Variants in WWOX observed in about 807,000 individuals in gnomAD.
WWOX encodes the protein WW domain-containing oxidoreductase.
In WWOX, 69 loss-of-function variants were observed where a neutral mutation model predicts 46.2. The ratio of observed to expected loss-of-function variants is 1.49; its 90% CI spans 1.23 to 1.82. WWOX has a LOEUF of 1.82. Among genes scored for constraint, WWOX ranks in the 40% most tolerant of loss-of-function variants. The pLI is 0.00. For missense variants in WWOX, 919 were observed against 542.6 expected (o/e 1.69, Z -6.89); for synonymous variants, 359 against 202.6 (o/e 1.77, Z -6.56).
intron 8 of WWOX, among the ~76,000 whole-genome samples, chr16:78,610,765 C>G (rs907082809): frequency 6.6e-6 from 1 of 152,062 alleles, no homozygotes; most frequent in African/African-American, 2.4e-5. Context: ...TGGCATGGCT[C>G]TGATATTATA....
chr16:78,128,468 T>C (rs1051129729), intron 4 of WWOX, among the ~76,000 whole-genome samples: 2 of 152,224 alleles, frequency 1.3e-5, no homozygotes, highest in Non-Finnish European at 2.9e-5. Flanking sequence ...GGTGGAAATG[T>C]TGCGAGTTCT....
At chr16:78,907,577 G>C (rs985404433) in intron 8 of WWOX, among the ~76,000 whole-genome samples, 3 of 152,168 alleles carry the variant, frequency 2.0e-5, no homozygotes, top group African/African-American at 7.2e-5. Context: ...GAATGACTAA[G>C]GGCGGTCTGA....
At chr16:79,099,828 C>T (rs1004162125) in intron 8 of WWOX, among the ~76,000 whole-genome samples, 2 of 152,212 alleles carry the variant, frequency 1.3e-5, no homozygotes, top group Admixed American at 6.5e-5. Flanking sequence ...AGGGTTAAAT[C>T]AGAGCAACAG....
In WWOX at chr16:78,817,171, T is replaced by TG. The variant is rs1567580563; in HGVS notation, c.1056+384419_1056+384420insG. 2.3e-3 allele frequency among the ~76,000 whole-genome samples: 307 copies of TG among 131,844 alleles called. 7 individuals are homozygous for TG. Among genetic ancestry groups the TG allele is most frequent in the African/African-American group, 8.0e-3 (282 of 35,248 alleles). 86.5% of individuals were successfully genotyped at this position (131,844 alleles called of 152,430 possible). A position where few individuals can be genotyped will look rare whatever the true frequency, so the allele number is the denominator to read the frequency against. ...AGTTTTTCTTAAACATTAGTGCTAT[T>TG]CTTTTTTTTTTTTTTTTTTTTTTTT... On this transcript the variant is annotated intron_variant, in intron 8 of 8. Transcript: ENST00000566780.
intron 4 of WWOX, among the ~76,000 whole-genome samples, chr16:78,160,991 A>G (rs1245500260): frequency 6.6e-6 from 1 of 152,128 alleles, no homozygotes; most frequent in Non-Finnish European, 1.5e-5. Flanking sequence ...ATTGTCATGT[A>G]TTCTTGGTGG....
At chr16:78,561,264 C>G (rs1480605446) in intron 8 of WWOX, among the ~76,000 whole-genome samples, 1 of 152,196 alleles carries the variant, frequency 6.6e-6, no homozygotes, top group Non-Finnish European at 1.5e-5. Context: ...TTGAATCTCT[C>G]TGACTTTCCT....
rs566068519 is a variant in WWOX at position 78,411,793 on chromosome 16, G to C, written c.606-13077G>C. ...AGGAACAGAGCTAGAAACATGGAGT[G>C]ACATGAAGTCATTGTCTTAGGTTGG... On this transcript the variant is annotated intron_variant, in intron 6 of 8. Coordinates refer to ENST00000566780, the MANE Select transcript of WWOX (RefSeq NM_016373.4). Among the ~76,000 whole-genome samples, 174 of 152,310 alleles carry C rather than the reference G, an allele frequency of 1.1e-3. 1 individual carries two copies. Among genetic ancestry groups the C allele is most frequent in the Non-Finnish European group, 2.0e-3 (138 of 68,016 alleles).
At chr16:78,240,490 G>T (rs915675778) in intron 5 of WWOX, among the ~76,000 whole-genome samples, 2 of 152,152 alleles carry the variant, frequency 1.3e-5, no homozygotes, top group African/African-American at 4.8e-5. Context: ...TCCACAAGGA[G>T]TCACCCCTGC....
chr16:78,695,331 A>G (rs534382909), intron 8 of WWOX, among the ~76,000 whole-genome samples: 94 of 152,130 alleles, frequency 6.2e-4, no homozygotes, highest in Non-Finnish European at 1.2e-3. Context: ...TCCAATTTGA[A>G]TCCTCCCATA....
chr16:78,669,833 C>G lies in WWOX; in HGVS notation c.1056+237081C>G, dbSNP rs1356837292. Among the ~76,000 whole-genome samples the G allele has an allele frequency of 2.0e-5, 3 of 152,180 alleles. 1 individual carries two copies. The highest frequency in any genetic ancestry group is 4.4e-5 in the Non-Finnish European group (3 of 68,044). On this transcript the variant is annotated intron_variant, in intron 8 of 8. Transcript: ENST00000566780. ...AGAAGACTTCATTATTCAAAATAAT[C>G]TCTAATAAGATGTTTAGGGAGAAGG...
intron 8 of WWOX, among the ~76,000 whole-genome samples, chr16:78,558,884 A>T (rs543416441): frequency 6.6e-6 from 1 of 152,292 alleles, no homozygotes; most frequent in Non-Finnish European, 1.5e-5. Context: ...TGAGTTGGGT[A>T]CCTTGCATCC....
chr16:78,817,365 A>G (rs111785529), intron 8 of WWOX, among the ~76,000 whole-genome samples: 39 of 152,146 alleles, frequency 2.6e-4, no homozygotes, highest in African/African-American at 8.7e-4. Flanking sequence ...CATTTCTCCT[A>G]TTCCTAGTGC....
intron 8 of WWOX, chr16:79,196,354 C>A (rs2051240045): frequency 6.6e-6 from 1 of 152,204 alleles, no homozygotes; most frequent in Non-Finnish European, 1.5e-5. Flanking sequence ...CTATATCATT[C>A]TGTCCTCCAG....
intron 8 of WWOX, among the ~76,000 whole-genome samples, chr16:78,815,343 G>GA (rs2051301806): frequency 6.6e-6 from 1 of 150,636 alleles, no homozygotes; most frequent in African/African-American, 2.4e-5. Flanking sequence ...AAAAAAAAAA[G>GA]AAGGTTTCAT....
chr16:78,110,512 A>T (rs1006629242), intron 3 of WWOX, among the ~76,000 whole-genome samples: 9 of 152,188 alleles, frequency 5.9e-5, no homozygotes, highest in Non-Finnish European at 1.0e-4. Flanking sequence ...TAATTTATCA[A>T]ATTGCCTATT....
chr16:79,031,684 TTAAA>T (rs1448976990), intron 8 of WWOX, among the ~76,000 whole-genome samples: 1 of 150,064 alleles, frequency 6.7e-6, no homozygotes, highest in African/African-American at 2.4e-5. Flanking sequence ...TTTTGAATGG[TTAAA>T]TAGTGGATGT....
At chr16:78,766,425 C>T (rs886350064) in intron 8 of WWOX, among the ~76,000 whole-genome samples, 3 of 152,114 alleles carry the variant, frequency 2.0e-5, no homozygotes, top group Admixed American at 6.6e-5. Context: ...CAAGACCCCA[C>T]GTCTTAAAAA....
At chr16:78,451,712 G>C (rs150197333) in intron 8 of WWOX, among the ~76,000 whole-genome samples, 2 of 152,140 alleles carry the variant, frequency 1.3e-5, no homozygotes, top group Non-Finnish European at 2.9e-5. Flanking sequence ...AGTCTTCTTC[G>C]TGTGCTACCA....
At chr16:78,968,331 A>G (rs1479909230) in intron 8 of WWOX, among the ~76,000 whole-genome samples, 1 of 152,196 alleles carries the variant, frequency 6.6e-6, no homozygotes, top group Non-Finnish European at 1.5e-5. Context: ...CACCGACCCG[A>G]GGCAGGAACC....
Sources: gnomAD v4.1 joint callset for allele counts (sites outside exome capture counted in the v4.1 genomes callset) on GRCh38, gnomAD v4.1.1 for gene constraint, MANE v1.5 for transcripts, NCBI Gene and HGNC (gene_info 2026-07-23, HGNC 2026-07-21) for gene names.